Variants in PTPRD observed in about 807,000 individuals in gnomAD.
The protein encoded by PTPRD is protein tyrosine phosphatase receptor type D, also known as receptor-type tyrosine-protein phosphatase delta.
PTPRD carries 34 observed loss-of-function variants against 214.5 expected under a neutral mutation model. The ratio of observed to expected loss-of-function variants is 0.16; its 90% CI spans 0.12 to 0.21. PTPRD has a LOEUF of 0.21. Ranked by LOEUF, PTPRD falls within the 10% of genes least tolerant of loss-of-function variation. The pLI is 1.00. For synonymous variants in PTPRD, 1,128 were observed against 845.7 expected (o/e 1.33, Z -5.79); for missense variants, 2,545 against 2,398.7 (o/e 1.06, Z -1.27).
chr9:10,359,864 C>A (rs546930004), intron 2 of PTPRD, among the ~76,000 whole-genome samples: 1 of 152,192 alleles, frequency 6.6e-6, no homozygotes, highest in East Asian at 1.9e-4. Context: ...GTAATTATAA[C>A]CCCCATAGAA....
intron 7 of PTPRD, among the ~76,000 whole-genome samples, chr9:9,673,775 G>A (rs1386212156): frequency 6.7e-6 from 1 of 149,774 alleles, no homozygotes; most frequent in Non-Finnish European, 1.5e-5. Context: ...TAGAAATACA[G>A]AAACCCCAAA....
At chr9:8,396,171 G>A (rs1470003367) in intron 36 of PTPRD, among the ~76,000 whole-genome samples, 1 of 151,986 alleles carries the variant, frequency 6.6e-6, no homozygotes, top group Admixed American at 6.6e-5. Context: ...AAAAAGTCCT[G>A]GAACCAACAC....
intron 3 of PTPRD, among the ~76,000 whole-genome samples, chr9:10,169,249 C>T (rs1193597410): frequency 2.0e-5 from 3 of 151,504 alleles, no homozygotes; most frequent in South Asian, 2.1e-4. Flanking sequence ...CCGAGGCAGG[C>T]GGATCACGAG....
chr9:9,394,326 AAG>A (rs2066945371), intron 9 of PTPRD, among the ~76,000 whole-genome samples: 1 of 152,112 alleles, frequency 6.6e-6, no homozygotes, highest in Non-Finnish European at 1.5e-5. Flanking sequence ...TCCATAGGGG[AAG>A]ATATTTTATT....
chr9:9,472,189 C>CTTTTT (rs1220396472), intron 8 of PTPRD, among the ~76,000 whole-genome samples: 31 of 82,828 alleles, frequency 3.7e-4, no homozygotes, highest in Admixed American at 4.0e-4. Context: ...CTACTCCAAT[C>CTTTTT]TTTTTTTTTT....
intron 7 of PTPRD, among the ~76,000 whole-genome samples, chr9:9,607,314 C>A (rs567861459): frequency 2.4e-4 from 36 of 152,206 alleles, no homozygotes; most frequent in African/African-American, 6.3e-4. Context: ...AAATAATAAA[C>A]GCTTTTTAGA....
chr9:9,046,671 T>C (rs1223816069), intron 10 of PTPRD, among the ~76,000 whole-genome samples: 1 of 152,158 alleles, frequency 6.6e-6, no homozygotes. Context: ...TATTTTAGGC[T>C]TTGCAAGACA....
intron 2 of PTPRD, among the ~76,000 whole-genome samples, chr9:10,529,039 T>C (rs960187344): frequency 2.0e-5 from 3 of 152,168 alleles, no homozygotes; most frequent in African/African-American, 7.2e-5. Context: ...AGTTTCTTTC[T>C]TTTTTATTTG....
intron 9 of PTPRD, among the ~76,000 whole-genome samples, chr9:9,246,756 G>T (rs10816074): frequency 2.0e-5 from 3 of 151,762 alleles, no homozygotes; most frequent in Non-Finnish European, 4.4e-5. Context: ...GGAGCTGAGA[G>T]ATTGGTTCCA....
intron 11 of PTPRD, among the ~76,000 whole-genome samples, chr9:8,939,854 T>G (rs1190957306): frequency 1.3e-5 from 2 of 152,098 alleles, no homozygotes; most frequent in Non-Finnish European, 2.9e-5. Context: ...ATAGTTTTCT[T>G]AAACTCTTTA....
chr9:9,997,216 A>G (rs1422071402), intron 4 of PTPRD, among the ~76,000 whole-genome samples: 1 of 152,222 alleles, frequency 6.6e-6, no homozygotes, highest in African/African-American at 2.4e-5. Context: ...GAAATTAAAA[A>G]GATATTCACT....
chr9:10,580,435 C>G (rs1256568310), intron 2 of PTPRD, among the ~76,000 whole-genome samples: 1 of 152,134 alleles, frequency 6.6e-6, no homozygotes, highest in Non-Finnish European at 1.5e-5. Context: ...TATGTGAATT[C>G]AATGATGATT....
At chr9:9,246,795 T>A (rs903984415) in intron 9 of PTPRD, among the ~76,000 whole-genome samples, 3 of 151,950 alleles carry the variant, frequency 2.0e-5, no homozygotes, top group Non-Finnish European at 4.4e-5. Context: ...AGCAACCCAA[T>A]TTCTGGACTG....
At chr9:9,864,262 C>T (rs113640782) in intron 5 of PTPRD, among the ~76,000 whole-genome samples, 5,387 of 151,630 alleles carry the variant, frequency 0.036, 307 homozygotes, top group African/African-American at 0.12. Context: ...GCCGAGATCG[C>T]GCCTCTGCAC....
intron 9 of PTPRD, among the ~76,000 whole-genome samples, chr9:9,186,960 A>T (rs531358922): frequency 6.6e-6 from 1 of 151,916 alleles, no homozygotes; most frequent in African/African-American, 2.4e-5. Flanking sequence ...ATAAACTGAA[A>T]TTTCCAAATT....
At chr9:9,358,524 G>T (rs945433823) in intron 9 of PTPRD, among the ~76,000 whole-genome samples, 5 of 151,246 alleles carry the variant, frequency 3.3e-5, no homozygotes, top group African/African-American at 1.2e-4. Flanking sequence ...GAATTAAAAT[G>T]AATGTCATAT....
chr9:9,845,125 T>C (rs1229741130), intron 5 of PTPRD, among the ~76,000 whole-genome samples: 1 of 80,452 alleles, frequency 1.2e-5, no homozygotes, highest in Non-Finnish European at 2.2e-5. Flanking sequence ...TTGCTCTATA[T>C]ATAGAGCAAT....
At chr9:8,830,630 C>T (rs1392021561) in intron 11 of PTPRD, among the ~76,000 whole-genome samples, 1 of 152,150 alleles carries the variant, frequency 6.6e-6, no homozygotes, top group Non-Finnish European at 1.5e-5. Context: ...ACACAGTGTC[C>T]ACCCTATCAT....
intron 2 of PTPRD, among the ~76,000 whole-genome samples, chr9:10,368,768 A>C (rs2097559735): frequency 6.6e-6 from 1 of 152,122 alleles, no homozygotes; most frequent in Non-Finnish European, 1.5e-5. Flanking sequence ...CCTGGGCATA[A>C]TTAGACCTAT....
Sources: allele counts gnomAD v4.1 joint callset (sites outside exome capture counted in the v4.1 genomes callset), GRCh38; gene constraint gnomAD v4.1.1; transcripts MANE v1.5; gene names NCBI Gene and HGNC (gene_info 2026-07-23, HGNC 2026-07-21).